The following ZNF609 variants were observed in gnomAD, a reference collection of about 807,000 sequenced individuals.
The protein encoded by ZNF609 is zinc finger protein 609.
ZNF609 carries 11 observed loss-of-function variants against 109.5 expected under a neutral mutation model. The observed-to-expected ratio is 0.10, with a 90% CI of 0.06 to 0.17. ZNF609 has a LOEUF of 0.17. Among genes scored for constraint, ZNF609 ranks in the 10% least tolerant of loss-of-function variants. ZNF609 has a pLI of 1.00. For missense variants in ZNF609, 1,559 were observed against 1,772.4 expected, an observed-to-expected ratio of 0.88 and a Z score of 2.16; for synonymous variants, 646 against 662.0, an observed-to-expected ratio of 0.98 and a Z score of 0.37.
At chr15:64,607,337 A>G (rs1351245665) in intron 2 of ZNF609, among the ~76,000 whole-genome samples, 3 of 152,048 alleles carry the variant, frequency 2.0e-5, no homozygotes, top group Non-Finnish European at 4.4e-5. Flanking sequence ...TATCTGTACC[A>G]TATATATTCT....
At chr15:64,477,180 G>T (rs369797643) in intron 1 of ZNF609, among the ~76,000 whole-genome samples, 3 of 95,264 alleles carry the variant, frequency 3.1e-5, no homozygotes, top group African/African-American at 4.3e-5. Context: ...TTGCTTTGTT[G>T]CCTAGGCTGG....
intron 2 of ZNF609, among the ~76,000 whole-genome samples, chr15:64,525,204 G>A (rs2140367394): frequency 6.6e-6 from 1 of 152,132 alleles, no homozygotes; most frequent in South Asian, 2.1e-4. Context: ...GATTTTTATG[G>A]TTATAGCTCT....
At chr15:64,496,344 T>C (rs1893482742) in intron 1 of ZNF609, among the ~76,000 whole-genome samples, 1 of 152,226 alleles carries the variant, frequency 6.6e-6, no homozygotes, top group Non-Finnish European at 1.5e-5. Flanking sequence ...ATTGTTTTTC[T>C]AGGGATAAAA....
chr15:64,621,290 T>C (rs1253900314), intron 2 of ZNF609, among the ~76,000 whole-genome samples: 2 of 152,208 alleles, frequency 1.3e-5, no homozygotes, highest in Non-Finnish European at 2.9e-5. Context: ...ATAATAGACT[T>C]TGTCAGCCTC....
At chr15:64,620,813 C>T (rs145417994) in intron 2 of ZNF609, among the ~76,000 whole-genome samples, 42 of 152,180 alleles carry the variant, frequency 2.8e-4, no homozygotes, top group African/African-American at 8.9e-4. Flanking sequence ...AGAATGGATC[C>T]GGAACCCAGA....
intron 1 of ZNF609, among the ~76,000 whole-genome samples, chr15:64,485,560 T>G (rs1189147076): frequency 2.0e-5 from 3 of 152,194 alleles, no homozygotes; most frequent in African/African-American, 7.2e-5. Context: ...CCCAACACTT[T>G]GGGAGGTTGA....
chr15:64,608,986 C>T (rs1014433245), intron 2 of ZNF609, among the ~76,000 whole-genome samples: 2 of 152,154 alleles, frequency 1.3e-5, no homozygotes, highest in African/African-American at 2.4e-5. Flanking sequence ...TTCTACCCAC[C>T]TCAGGCTCCC....
intron 2 of ZNF609, among the ~76,000 whole-genome samples, chr15:64,557,570 T>C (rs974069342): frequency 2.2e-4 from 34 of 152,308 alleles, no homozygotes; most frequent in Non-Finnish European, 2.9e-5. Flanking sequence ...TTATGAAGTC[T>C]CATAAATTTG....
chr15:64,512,040 T>A (rs889893643), intron 2 of ZNF609, among the ~76,000 whole-genome samples: 20 of 151,262 alleles, frequency 1.3e-4, no homozygotes, highest in African/African-American at 4.4e-4. Context: ...GTTCAACAGG[T>A]GCTTGTAATG....
intron 2 of ZNF609, among the ~76,000 whole-genome samples, chr15:64,617,938 G>A (rs1411359713): frequency 2.0e-5 from 3 of 152,072 alleles, no homozygotes; most frequent in African/African-American, 7.2e-5. Context: ...AGCCATGATG[G>A]CACTTCTTAG....
chr15:64,528,428 TTTA>T (rs1393055711), intron 2 of ZNF609, among the ~76,000 whole-genome samples: 1 of 151,538 alleles, frequency 6.6e-6, no homozygotes. Context: ...TGTGGGTTTT[TTTA>T]TTGTTTAATT....
At chr15:64,541,964 T>A (rs1894273172) in intron 2 of ZNF609, among the ~76,000 whole-genome samples, 3 of 152,080 alleles carry the variant, frequency 2.0e-5, no homozygotes, top group Admixed American at 6.6e-5. Flanking sequence ...CCCTTTCTCT[T>A]CAGTGGATCT....
chr15:64,555,355 A>G (rs674745), intron 2 of ZNF609, among the ~76,000 whole-genome samples: 112,857 of 151,890 alleles, frequency 0.74, 45,429 homozygotes, highest in East Asian at 0.96. Flanking sequence ...TGACAGAGCA[A>G]CACCCTGTCT....
At chr15:64,540,309 C>G (rs1223517047) in intron 2 of ZNF609, among the ~76,000 whole-genome samples, 1 of 152,206 alleles carries the variant, frequency 6.6e-6, no homozygotes, top group African/African-American at 2.4e-5. Context: ...CCAACACTAA[C>G]TTCTTTTTCG....
intron 1 of ZNF609, among the ~76,000 whole-genome samples, chr15:64,477,053 A>C (rs1893180096): frequency 6.6e-6 from 1 of 151,552 alleles, no homozygotes; most frequent in African/African-American, 2.4e-5. Flanking sequence ...CTAAAGATGA[A>C]GTTTTCTTAT....
At chr15:64,530,302 G>A (rs1353406321) in intron 2 of ZNF609, among the ~76,000 whole-genome samples, 2 of 152,196 alleles carry the variant, frequency 1.3e-5, no homozygotes, top group Non-Finnish European at 2.9e-5. Flanking sequence ...GAGCCACCGT[G>A]CTGGGCCTGA....
At chr15:64,622,463 G>A (rs1895891438) in intron 2 of ZNF609, among the ~76,000 whole-genome samples, 1 of 152,186 alleles carries the variant, frequency 6.6e-6, no homozygotes, top group African/African-American at 2.4e-5. Flanking sequence ...TCATCAGTCT[G>A]TGTGCTCTGT....
intron 2 of ZNF609, among the ~76,000 whole-genome samples, chr15:64,578,628 G>A (rs902092871): frequency 2.4e-4 from 36 of 152,274 alleles, no homozygotes; most frequent in African/African-American, 7.7e-4. Flanking sequence ...GGGAGGTGGA[G>A]GTTGCAGTAG....
At chr15:64,528,716 T>A in intron 2 of ZNF609, 1 of 1,144,256 alleles carries the variant, frequency 8.7e-7, no homozygotes, top group Non-Finnish European at 1.3e-6. Flanking sequence ...CCTGTTGCTG[T>A]AGCCAAATTC....
Sources: allele counts gnomAD v4.1 joint callset (sites outside exome capture counted in the v4.1 genomes callset), GRCh38; gene constraint gnomAD v4.1.1; transcripts MANE v1.5; gene names NCBI Gene and HGNC (gene_info 2026-07-23, HGNC 2026-07-21).